Variants in IGSF10 observed in about 807,000 individuals in gnomAD.
IGSF10 encodes the protein immunoglobulin superfamily member 10, also known as calvaria mechanical force protein 608.
Under a neutral mutation model 128.2 loss-of-function variants are expected in IGSF10, and 126 were observed. That is an observed-to-expected ratio of 0.98 (90% CI 0.85 to 1.14). The LOEUF is 1.14. Ranked by LOEUF, IGSF10 falls within the 50% of genes most tolerant of loss-of-function variation. The pLI is 0.00. For synonymous variants in IGSF10, 1,185 were observed against 1,146.2 expected, an observed-to-expected ratio of 1.03 and a Z score of -0.68; for missense variants, 3,295 against 3,149.8, an observed-to-expected ratio of 1.05 and a Z score of -1.10.
the IGSF10 span, among the ~76,000 whole-genome samples, chr3:151,529,643 A>G: frequency 4.6e-5 from 7 of 152,260 alleles, 1 homozygote; most frequent in South Asian, 1.4e-3. Flanking sequence ...AAACTAACAA[A>G]CAGAAAGGAA....
the IGSF10 span, among the ~76,000 whole-genome samples, chr3:151,603,960 G>A: frequency 1.3e-5 from 2 of 152,162 alleles, no homozygotes; most frequent in African/African-American, 4.8e-5. Context: ...TGAGCACAAG[G>A]ATGTGTTTAT....
At chr3:151,546,068 T>C in the IGSF10 span, among the ~76,000 whole-genome samples, 429 of 149,604 alleles carry the variant, frequency 2.9e-3, 2 homozygotes, top group African/African-American at 9.9e-3. Context: ...CCTAGCATAA[T>C]TGTTACCTAG....
At chr3:151,509,751 C>T in the IGSF10 span, among the ~76,000 whole-genome samples, 1 of 152,202 alleles carries the variant, frequency 6.6e-6, no homozygotes, top group African/African-American at 2.4e-5. Context: ...ACAGACAGCA[C>T]CTGGAAAATT....
chr3:151,579,875 A>AAGG, the IGSF10 span, among the ~76,000 whole-genome samples: 1 of 121,830 alleles, frequency 8.2e-6, no homozygotes, highest in African/African-American at 3.2e-5. Context: ...GGGAGGAAGG[A>AAGG]AAGGAAGGAA....
the IGSF10 span, among the ~76,000 whole-genome samples, chr3:151,617,685 G>T: frequency 6.6e-6 from 1 of 151,912 alleles, no homozygotes; most frequent in African/African-American, 2.4e-5. Context: ...TATGAGTTTT[G>T]GGGGGCCAGG....
rs138341756 is a variant in IGSF10, at chr3:151,444,712, G to A, written c.5062+207C>T. On this transcript the variant is annotated intron_variant, in intron 6 of 7. Transcript: ENST00000282466. Reference sequence around the variant, plus strand: ...CATATTACTTTGAATCAGCTTTTGAGGCATTCCAAAAAATGTTCTTAGTTA... The same window carrying A: ...CATATTACTTTGAATCAGCTTTTGAAGCATTCCAAAAAATGTTCTTAGTTA... Among the ~76,000 whole-genome samples, 154 of 152,180 alleles carry A rather than the reference G, an allele frequency of 1.0e-3. No homozygotes were observed. The East Asian group carries it at 0.021, about 21-fold the overall frequency.
chr3:151,598,070 GGTGTGTGTGTGTGTGTGTGT>G, the IGSF10 span, among the ~76,000 whole-genome samples: 2 of 137,776 alleles, frequency 1.5e-5, 1 homozygote, highest in South Asian at 5.1e-4. Context: ...AATGAGTACT[GGTGTGTGTGTGTGTGTGTGT>G]GTGTGTGTGT....
chr3:151,509,593 C>T, the IGSF10 span, among the ~76,000 whole-genome samples: 10 of 152,214 alleles, frequency 6.6e-5, no homozygotes, highest in Admixed American at 2.6e-4. Context: ...ACTGAGGTAC[C>T]GGGTTCATCT....
upstream of IGSF10, among the ~76,000 whole-genome samples, chr3:151,464,634 G>C (rs1722219743): frequency 6.6e-6 from 1 of 152,136 alleles, no homozygotes; most frequent in African/African-American, 2.4e-5. Flanking sequence ...TGCCAAAATT[G>C]TTACATATCT....
chr3:151,508,062 G>A, the IGSF10 span, among the ~76,000 whole-genome samples: 4 of 151,856 alleles, frequency 2.6e-5, no homozygotes, highest in Admixed American at 6.6e-5. Flanking sequence ...TTTTCACTAG[G>A]AATTTGGCTA....
chr3:151,570,383 C>T, the IGSF10 span, among the ~76,000 whole-genome samples: 2 of 152,178 alleles, frequency 1.3e-5, no homozygotes, highest in African/African-American at 4.8e-5. Context: ...TCTCCACATC[C>T]CCTCCAGCAC....
At chr3:151,519,507 A>G in the IGSF10 span, among the ~76,000 whole-genome samples, 9 of 151,862 alleles carry the variant, frequency 5.9e-5, no homozygotes, top group Admixed American at 1.3e-4. Flanking sequence ...AGTGGGATAT[A>G]TTAATATGAC....
the IGSF10 span, among the ~76,000 whole-genome samples, chr3:151,618,866 C>CT: frequency 4.6e-5 from 7 of 150,962 alleles, no homozygotes; most frequent in Admixed American, 1.3e-4. Context: ...CAAGAGCAGG[C>CT]TTTTTTTCAT....
Position 151,438,429 on chromosome 3 carries a change from C to T in IGSF10, c.6132G>A (p.Gln2044=). Residue 2044 remains glutamine, a synonymous_variant, in exon 8 of 8, where the codon CAG becomes CAA. Coordinates refer to ENST00000282466, the MANE Select transcript of IGSF10 (RefSeq NM_178822.5). ...RLKPAKIDHK[Q]YFRKQVLHGK... is the part of the protein sequence containing the mutation. Reference sequence around the variant, plus strand: ...CATGGAGCACTTGCTTTCTAAAATACTGCTTGTGGTCAATTTTGGCAGGTT... The same window carrying T: ...CATGGAGCACTTGCTTTCTAAAATATTGCTTGTGGTCAATTTTGGCAGGTT... 6.2e-7 allele frequency: 1 copy of T among 1,614,142 alleles called. No individual in the cohort carries two copies. Among genetic ancestry groups the T allele is most frequent in the Non-Finnish European group, 8.5e-7 (1 of 1,180,016 alleles).
chr3:151,442,185 G>A (rs559552557), intron 7 of IGSF10, among the ~76,000 whole-genome samples: 7 of 152,220 alleles, frequency 4.6e-5, no homozygotes, highest in African/African-American at 1.7e-4. Flanking sequence ...TCTTAATATT[G>A]TGACTTTCAC....
chr3:151,472,752 A>G, the IGSF10 span, among the ~76,000 whole-genome samples: 1 of 152,186 alleles, frequency 6.6e-6, no homozygotes, highest in African/African-American at 2.4e-5. Context: ...TACTTTTGCC[A>G]GGTAAAGGAA....
At chr3:151,473,949 C>T in the IGSF10 span, among the ~76,000 whole-genome samples, 1 of 151,604 alleles carries the variant, frequency 6.6e-6, no homozygotes, top group Admixed American at 6.6e-5. Flanking sequence ...AAGCTAGTTT[C>T]CACTGATGAA....
intron 7 of IGSF10, 48 bp from the exon 8 acceptor site, chr3:151,438,645 G>A: frequency 6.1e-6 from 9 of 1,468,668 alleles, no homozygotes; most frequent in Non-Finnish European, 8.4e-6. Context: ...TAGCAATGAG[G>A]GAAACTGTTT....
chr3:151,618,794 T>G, the IGSF10 span, among the ~76,000 whole-genome samples: 1 of 148,772 alleles, frequency 6.7e-6, no homozygotes, highest in Non-Finnish European at 1.5e-5. Context: ...AAAAATAAAA[T>G]AAATAAAAAA....
Sources: gnomAD v4.1 joint callset for allele counts (sites outside exome capture counted in the v4.1 genomes callset) on GRCh38, gnomAD v4.1.1 for gene constraint, MANE v1.5 for transcripts, NCBI Gene and HGNC (gene_info 2026-07-23, HGNC 2026-07-21) for gene names.